Variants in ENTREP2 observed in about 807,000 individuals in gnomAD.
ENTREP2 encodes protein ENTREP2.
chr15:29,444,035 T>C, the ENTREP2 span, among the ~76,000 whole-genome samples: 1 of 151,730 alleles, frequency 6.6e-6, no homozygotes, highest in Non-Finnish European at 1.5e-5. Flanking sequence ...ACCTGGGAGG[T>C]GGAGCTTGCA....
At chr15:29,443,806 T>A in the ENTREP2 span, among the ~76,000 whole-genome samples, 2 of 151,862 alleles carry the variant, frequency 1.3e-5, no homozygotes. Context: ...ATCTGCATCT[T>A]ACATATAAAA....
At chr15:29,341,095 C>T in the ENTREP2 span, among the ~76,000 whole-genome samples, 11 of 152,192 alleles carry the variant, frequency 7.2e-5, no homozygotes, top group African/African-American at 2.4e-4. Context: ...TAGGGAAGTA[C>T]AACTGTGCCA....
chr15:29,278,589 A>C, the ENTREP2 span, among the ~76,000 whole-genome samples: 2 of 152,192 alleles, frequency 1.3e-5, no homozygotes, highest in Non-Finnish European at 2.9e-5. Context: ...CCTCTGATGC[A>C]TCGTGACCAT....
chr15:29,566,876 C>CACACACACACACACACACACAA, the ENTREP2 span, among the ~76,000 whole-genome samples: 2 of 151,840 alleles, frequency 1.3e-5, no homozygotes, highest in Admixed American at 6.6e-5. Context: ...CACACACACA[C>CACACACACACACACACACACAA]AGAGTCAGCT....
At chr15:29,577,029 G>A in the ENTREP2 span, among the ~76,000 whole-genome samples, 1 of 151,648 alleles carries the variant, frequency 6.6e-6, no homozygotes, top group Admixed American at 6.6e-5. Context: ...GGATGGTCTC[G>A]ATCTCCTGAC....
chr15:29,657,483 C>CAGGGCGGGGCGGGGG, the ENTREP2 span, among the ~76,000 whole-genome samples: 1 of 69,432 alleles, frequency 1.4e-5, no homozygotes, highest in African/African-American at 6.0e-5. Flanking sequence ...GCTGGGGGGG[C>CAGGGCGGGGCGGGGG]GGGGGGGGGG....
At chr15:29,196,623 C>T in the ENTREP2 span, 11 of 1,517,810 alleles carry the variant, frequency 7.2e-6, no homozygotes, top group African/African-American at 1.4e-5. Flanking sequence ...CCCGAGGGTA[C>T]GCGTGAGTGA....
chr15:29,365,737 GA>G, the ENTREP2 span, among the ~76,000 whole-genome samples: 4 of 145,212 alleles, frequency 2.8e-5, no homozygotes, highest in Non-Finnish European at 3.0e-5. Flanking sequence ...AAAGTCTGCA[GA>G]AAAAAAAAAC....
the ENTREP2 span, among the ~76,000 whole-genome samples, chr15:29,508,270 C>CA: frequency 1.3e-5 from 2 of 151,934 alleles, no homozygotes; most frequent in African/African-American, 2.4e-5. Context: ...GCCTACCAAC[C>CA]AAAAAAAGCC....
chr15:29,389,656 C>G, the ENTREP2 span, among the ~76,000 whole-genome samples: 1 of 152,186 alleles, frequency 6.6e-6, no homozygotes. Context: ...AGGCCAAGCC[C>G]CTACCTTGCC....
chr15:29,393,238 G>A, the ENTREP2 span, among the ~76,000 whole-genome samples: 3 of 152,222 alleles, frequency 2.0e-5, no homozygotes, highest in Non-Finnish European at 2.9e-5. Context: ...CTGTTCATCA[G>A]TGAACTTCTG....
chr15:29,130,461 C>A, the ENTREP2 span, among the ~76,000 whole-genome samples: 1 of 152,178 alleles, frequency 6.6e-6, no homozygotes, highest in African/African-American at 2.4e-5. Flanking sequence ...CCTCCCGTAT[C>A]TAACCCTCTC....
At chr15:29,248,764 T>C in the ENTREP2 span, among the ~76,000 whole-genome samples, 1 of 152,156 alleles carries the variant, frequency 6.6e-6, no homozygotes, top group Non-Finnish European at 1.5e-5. Context: ...CTGGCAAAGG[T>C]GTAGGGGAAG....
At chr15:29,228,267 C>A in the ENTREP2 span, among the ~76,000 whole-genome samples, 1 of 152,078 alleles carries the variant, frequency 6.6e-6, no homozygotes, top group African/African-American at 2.4e-5. Context: ...TGCAGTGAGC[C>A]AAGATCACGC....
chr15:29,467,883 C>G, the ENTREP2 span, among the ~76,000 whole-genome samples: 1 of 152,174 alleles, frequency 6.6e-6, no homozygotes, highest in African/African-American at 2.4e-5. Context: ...CTGCCCTTCT[C>G]TGTTATCCAC....
At chr15:29,296,195 G>A in the ENTREP2 span, among the ~76,000 whole-genome samples, 4 of 152,152 alleles carry the variant, frequency 2.6e-5, no homozygotes, top group African/African-American at 9.7e-5. Flanking sequence ...ACATCCTGCT[G>A]ATTCTATTTC....
the ENTREP2 span, among the ~76,000 whole-genome samples, chr15:29,299,482 C>T: frequency 6.6e-6 from 1 of 152,268 alleles, no homozygotes; most frequent in South Asian, 2.1e-4. Context: ...ACTCACCAGC[C>T]AGGCTCCAGC....
At chr15:29,542,176 C>G in the ENTREP2 span, among the ~76,000 whole-genome samples, 1 of 152,172 alleles carries the variant, frequency 6.6e-6, no homozygotes, top group East Asian at 1.9e-4. Context: ...CCATGCCCAG[C>G]TAATCTTTAT....
At chr15:29,635,803 C>T in the ENTREP2 span, among the ~76,000 whole-genome samples, 1 of 152,136 alleles carries the variant, frequency 6.6e-6, no homozygotes, top group Non-Finnish European at 1.5e-5. Context: ...CAGACCTGCT[C>T]CTGTCTTATA....
Sources: allele counts gnomAD v4.1 joint callset (sites outside exome capture counted in the v4.1 genomes callset), GRCh38; gene constraint gnomAD v4.1.1; transcripts MANE v1.5; gene names NCBI Gene and HGNC (gene_info 2026-07-23, HGNC 2026-07-21).